DAPK1: variants seen among roughly 807,000 people sequenced by gnomAD.
DAPK1 encodes the protein death-associated protein kinase 1.
In DAPK1, 56 loss-of-function variants were observed where a neutral mutation model predicts 144.9. That is an observed-to-expected ratio of 0.39 (90% confidence interval 0.31 to 0.48). DAPK1 has a LOEUF of 0.48. Among genes scored for constraint, DAPK1 ranks in the 20% least tolerant of loss-of-function variants. The probability of loss-of-function intolerance (pLI) is 0.95; values close to 1 mark genes in which losing one functional copy is unlikely to be tolerated. For synonymous variants in DAPK1, 690 were observed against 749.0 expected (o/e 0.92, Z 1.29); for missense variants, 1,454 against 1,875.4 (o/e 0.78, Z 4.15).
intron 2 of DAPK1, among the ~76,000 whole-genome samples, chr9:87,540,377 G>C (rs1487778784): frequency 6.6e-6 from 1 of 151,858 alleles, no homozygotes; most frequent in Non-Finnish European, 1.5e-5. Flanking sequence ...TTTTAGTAGA[G>C]ATGCCGTTTT....
Position 87,498,633 on chromosome 9 carries a change from G to A in DAPK1, c.-108-337G>A, listed in dbSNP as rs1055576489. On this transcript the variant is annotated intron_variant, in intron 1 of 25. Transcript: ENST00000408954. ...GGCTTCATTCTTCCGCGGCGTCCCT[G>A]GAGGTGGGAAAGCTGGGTGGGCATG... The A allele has an allele frequency of 8.9e-6, 3 of 338,196 alleles. No individual in the cohort carries two copies. In the Admixed American group the frequency reaches 1.4e-4, roughly 16 times the overall value. The allele number at this position is 338,196 out of a possible 1,614,324, so 20.9% of individuals were successfully genotyped here. A position where few individuals can be genotyped will look rare whatever the true frequency, so the allele number is the denominator to read the frequency against.
At chr9:87,566,389 A>G (rs540117611) in intron 2 of DAPK1, among the ~76,000 whole-genome samples, 7 of 152,288 alleles carry the variant, frequency 4.6e-5, no homozygotes, top group African/African-American at 1.4e-4. Context: ...GTAGTCAACT[A>G]TTAAGCCATT....
chr9:87,617,618 T>G (rs1829143858), intron 3 of DAPK1, among the ~76,000 whole-genome samples: 1 of 152,214 alleles, frequency 6.6e-6, no homozygotes, highest in South Asian at 2.1e-4. Flanking sequence ...CAAAACTTTC[T>G]TATATTTATT....
At chr9:87,590,125 G>A (rs1006872295) in intron 2 of DAPK1, among the ~76,000 whole-genome samples, 22 of 152,068 alleles carry the variant, frequency 1.4e-4, no homozygotes, top group Non-Finnish European at 2.4e-4. Context: ...CTTGGAGAGG[G>A]CTCCAATTTG....
chr9:87,524,185 T>C (rs1825403403), intron 2 of DAPK1, among the ~76,000 whole-genome samples: 1 of 152,184 alleles, frequency 6.6e-6, no homozygotes, highest in Non-Finnish European at 1.5e-5. Context: ...GGCCTCTCCC[T>C]GGGGGAAGGG....
chr9:87,689,448 T>C (rs1023027287), intron 21 of DAPK1, among the ~76,000 whole-genome samples: 1 of 152,180 alleles, frequency 6.6e-6, no homozygotes, highest in Non-Finnish European at 1.5e-5. Context: ...TTGCAAAATA[T>C]CTCCCATTCT....
chr9:87,664,549 G>T (rs542608944), intron 18 of DAPK1, among the ~76,000 whole-genome samples: 1 of 151,642 alleles, frequency 6.6e-6, no homozygotes, highest in Non-Finnish European at 1.5e-5. Context: ...CAGCCTCTCC[G>T]GTGTGTGTGA....
In DAPK1 at chr9:87,532,013, G is replaced by A. The variant is rs142432771; in HGVS notation, c.62+32874G>A. ...TACTAACAAACACGTTCCTGAACAG[G>A]CCTTAGTGCTAAGCTAGGCTCGATC... On this transcript the variant is annotated intron_variant, in intron 2 of 25. Transcript: ENST00000408954. Among the ~76,000 whole-genome samples the A allele has an allele frequency of 1.1e-4, 16 of 152,286 alleles. No homozygotes were observed. The East Asian group carries it at 2.3e-3, about 22-fold the overall frequency.
chr9:87,588,294 C>T (rs1828005060), intron 2 of DAPK1, among the ~76,000 whole-genome samples: 2 of 152,210 alleles, frequency 1.3e-5, no homozygotes. Context: ...TAGAAACTGA[C>T]CTAAACCTAT....
At chr9:87,694,777 A>G (rs865906595) in intron 21 of DAPK1, among the ~76,000 whole-genome samples, 1 of 152,164 alleles carries the variant, frequency 6.6e-6, no homozygotes, top group East Asian at 1.9e-4. Context: ...CTCTAGGGAT[A>G]TAGAGATGCC....
At chr9:87,699,618 T>C (rs1157123013) in intron 23 of DAPK1, among the ~76,000 whole-genome samples, 2 of 152,248 alleles carry the variant, frequency 1.3e-5, no homozygotes, top group East Asian at 3.8e-4. Context: ...TATAATATGC[T>C]AGTATCTCTG....
intron 2 of DAPK1, among the ~76,000 whole-genome samples, chr9:87,550,643 A>C (rs964819037): frequency 6.6e-6 from 1 of 152,234 alleles, no homozygotes; most frequent in Non-Finnish European, 1.5e-5. Context: ...TACAATGACC[A>C]TATTTCCAAA....
chr9:87,594,400 C>T (rs1161939140), intron 2 of DAPK1, among the ~76,000 whole-genome samples: 2 of 152,210 alleles, frequency 1.3e-5, no homozygotes, highest in African/African-American at 4.8e-5. Context: ...ACTCTGCACA[C>T]CGCCCACTGG....
intron 2 of DAPK1, among the ~76,000 whole-genome samples, chr9:87,538,140 C>G (rs1825924066): frequency 6.6e-6 from 1 of 152,136 alleles, no homozygotes; most frequent in African/African-American, 2.4e-5. Flanking sequence ...GGAATCTTTT[C>G]AGAGGAAATT....
chr9:87,652,527 A>G (rs1174281658), intron 17 of DAPK1, among the ~76,000 whole-genome samples: 1 of 117,916 alleles, frequency 8.5e-6, no homozygotes, highest in Non-Finnish European at 1.8e-5. Context: ...TTCTGTGTCC[A>G]TGCCCCCGAT....
intron 4 of DAPK1, among the ~76,000 whole-genome samples, chr9:87,638,822 T>G (rs974956075): frequency 1.3e-5 from 2 of 152,200 alleles, no homozygotes; most frequent in African/African-American, 4.8e-5. Flanking sequence ...CCACAAACAA[T>G]GTGCAAAAGC....
intron 2 of DAPK1, among the ~76,000 whole-genome samples, chr9:87,531,494 G>A (rs1471781370): frequency 6.6e-6 from 1 of 152,164 alleles, no homozygotes; most frequent in African/African-American, 2.4e-5. Context: ...GAGAAGTTGG[G>A]GGTAAGAGGG....
chr9:87,571,466 C>CACCCCA lies in DAPK1; in HGVS notation c.63-33486_63-33485insCCCAAC, dbSNP rs1564000741. 8.4e-4 allele frequency among the ~76,000 whole-genome samples: 51 copies of CACCCCA among 60,466 alleles called. 2 individuals carry two copies. The highest frequency in any genetic ancestry group is 4.9e-3 in the East Asian group (10 of 2,026). 39.7% of individuals were successfully genotyped at this position (60,466 alleles called of 152,430 possible). A position where few individuals can be genotyped will look rare whatever the true frequency, so the allele number is the denominator to read the frequency against. On this transcript the variant is annotated intron_variant, in intron 2 of 25. Transcript: ENST00000408954. ...ACACACACACACACACACACACACA[C>CACCCCA]ACACACACCAACACACACACACACA...
chr9:87,560,471 G>A (rs74534436), intron 2 of DAPK1, among the ~76,000 whole-genome samples: 1,910 of 152,038 alleles, frequency 0.013, 45 homozygotes, highest in African/African-American at 0.044. Context: ...CTGAAATTTC[G>A]TGCCTACTAA....
Sources: allele counts gnomAD v4.1 joint callset (sites outside exome capture counted in the v4.1 genomes callset), GRCh38; gene constraint gnomAD v4.1.1; transcripts MANE v1.5; gene names NCBI Gene and HGNC (gene_info 2026-07-23, HGNC 2026-07-21).